Variants in SLIT2 observed in about 807,000 individuals in gnomAD.
SLIT2 encodes the protein slit guidance ligand 2, also known as slit homolog 2 protein.
A neutral mutation model predicts 185.7 loss-of-function variants in SLIT2; 41 were observed. The ratio of observed to expected loss-of-function variants is 0.22; its 90% CI spans 0.17 to 0.29. The LOEUF is 0.29. SLIT2 is among the 10% of genes least tolerant of loss of function. The pLI is 1.00. For synonymous variants in SLIT2, 693 were observed against 680.2 expected (o/e 1.02, Z -0.29); for missense variants, 1,571 against 1,909.0 (o/e 0.82, Z 3.30).
chr4:20,382,264 G>T (rs2109344863), intron 4 of SLIT2, among the ~76,000 whole-genome samples: 1 of 152,194 alleles, frequency 6.6e-6, no homozygotes, highest in African/African-American at 2.4e-5. Context: ...CTCCAATATG[G>T]TGAAATGCTT....
At chr4:20,495,263 G>A (rs1338161593) in intron 9 of SLIT2, among the ~76,000 whole-genome samples, 2 of 152,182 alleles carry the variant, frequency 1.3e-5, no homozygotes, top group South Asian at 2.1e-4. Context: ...ACAAATTTGG[G>A]TTAATTCTAA....
chr4:20,305,433 T>C (rs1018634383), intron 4 of SLIT2, among the ~76,000 whole-genome samples: 4 of 152,204 alleles, frequency 2.6e-5, no homozygotes, highest in Admixed American at 6.5e-5. Context: ...AAATTTAAGC[T>C]AATTTATATA....
chr4:20,396,945 A>G (rs1313062264), intron 4 of SLIT2, among the ~76,000 whole-genome samples: 1 of 150,714 alleles, frequency 6.6e-6, no homozygotes, highest in African/African-American at 2.4e-5. Context: ...TGGTAAATAT[A>G]TGATTATCAT....
intron 5 of SLIT2, among the ~76,000 whole-genome samples, chr4:20,472,602 A>AGATATATCTATATCTATC (rs1715627455): frequency 6.8e-5 from 1 of 14,764 alleles, no homozygotes; most frequent in Non-Finnish European, 1.1e-4. Context: ...ATATATCTAT[A>AGATATATCTATATCTATC]GATATATCTA....
At chr4:20,311,837 A>T (rs1001801776) in intron 4 of SLIT2, among the ~76,000 whole-genome samples, 2 of 152,204 alleles carry the variant, frequency 1.3e-5, no homozygotes, top group African/African-American at 4.8e-5. Context: ...TAGTATTCAG[A>T]TGAAAATATA....
chr4:20,280,515 C>T (rs947975452), intron 4 of SLIT2, among the ~76,000 whole-genome samples: 1 of 151,990 alleles, frequency 6.6e-6, no homozygotes, highest in African/African-American at 2.4e-5. Context: ...GGACCTTGCC[C>T]AATGTGTTCA....
chr4:20,277,144 T>C (rs951480835), intron 4 of SLIT2, among the ~76,000 whole-genome samples: 3 of 152,176 alleles, frequency 2.0e-5, no homozygotes. Context: ...GGCTGTGCTG[T>C]CAGGAGATGA....
At chr4:20,284,412 G>A (rs1445114877) in intron 4 of SLIT2, among the ~76,000 whole-genome samples, 1 of 152,146 alleles carries the variant, frequency 6.6e-6, no homozygotes, top group African/African-American at 2.4e-5. Flanking sequence ...ACATACATAT[G>A]CCTCTCCCTT....
At chr4:20,524,517 T>C (rs1175828076) in intron 14 of SLIT2, among the ~76,000 whole-genome samples, 1 of 152,186 alleles carries the variant, frequency 6.6e-6, no homozygotes. Flanking sequence ...GTTTGTTGAA[T>C]TGACCAGCCT....
At chr4:20,591,228 C>T (rs1727492055) in intron 30 of SLIT2, among the ~76,000 whole-genome samples, 1 of 152,084 alleles carries the variant, frequency 6.6e-6, no homozygotes, top group East Asian at 1.9e-4. Context: ...TTAACAATTA[C>T]ACAGGTCGGG....
chr4:20,498,474 A>T (rs774377536), intron 9 of SLIT2, among the ~76,000 whole-genome samples: 1 of 152,216 alleles, frequency 6.6e-6, no homozygotes, highest in Admixed American at 6.5e-5. Context: ...AATTACTTAG[A>T]TCACCTTTTG....
intron 4 of SLIT2, among the ~76,000 whole-genome samples, chr4:20,432,972 A>G (rs1729100409): frequency 6.6e-6 from 1 of 152,132 alleles, no homozygotes; most frequent in Admixed American, 6.6e-5. Context: ...TCATAGCCAC[A>G]TTACATTCTC....
chr4:20,389,675 A>G (rs868289189), intron 4 of SLIT2, among the ~76,000 whole-genome samples: 2 of 152,112 alleles, frequency 1.3e-5, no homozygotes, highest in South Asian at 2.1e-4. Context: ...AGGTGAGCAT[A>G]AGACTTATCT....
intron 4 of SLIT2, among the ~76,000 whole-genome samples, chr4:20,416,675 T>C (rs1241725109): frequency 1.3e-5 from 2 of 152,186 alleles, no homozygotes; most frequent in Non-Finnish European, 2.9e-5. Flanking sequence ...CTGGTGTGCT[T>C]TTTAAAAGAC....
chr4:20,442,851 A>G (rs2148703186), intron 4 of SLIT2, among the ~76,000 whole-genome samples: 1 of 152,268 alleles, frequency 6.6e-6, no homozygotes, highest in Middle Eastern at 3.4e-3. Context: ...ATATGTTTCT[A>G]CGGAGTGTTT....
intron 15 of SLIT2, 23 bp downstream of exon 15, chr4:20,525,195 A>T (rs762341007): frequency 6.4e-7 from 1 of 1,571,702 alleles, no homozygotes; most frequent in Non-Finnish European, 8.8e-7. Context: ...CGGTAGTAGG[A>T]CTAACTACAG....
chr4:20,274,613 C>A (rs77680800), intron 4 of SLIT2, among the ~76,000 whole-genome samples: 4,169 of 152,178 alleles, frequency 0.027, 156 homozygotes, highest in East Asian at 0.1. Context: ...AGACTTGTTG[C>A]TAAAGAAAGC....
rs71653875 is a variant in SLIT2 at position 20,331,011 on chromosome 4, G to C, written c.395+62130G>C. Among the ~76,000 whole-genome samples, 1,014 of 152,130 alleles carry C rather than the reference G, an allele frequency of 6.7e-3. 9 individuals are homozygous for C. The highest frequency in any genetic ancestry group is 0.011 in the Non-Finnish European group (755 of 67,954). ...AAATAAACCAACAGACAAATATTCC[G>C]TAGACAACTAAATTTCCGTATCTAA... On this transcript the variant is annotated intron_variant, in intron 4 of 36. Coordinates refer to ENST00000504154, the MANE Select transcript of SLIT2 (RefSeq NM_004787.4).
chr4:20,356,551 C>T (rs1028178258), intron 4 of SLIT2, among the ~76,000 whole-genome samples: 5 of 152,074 alleles, frequency 3.3e-5, no homozygotes, highest in African/African-American at 9.7e-5. Context: ...AAATAGTGTC[C>T]AATGCATTTA....
Sources: gnomAD v4.1 joint callset for allele counts (sites outside exome capture counted in the v4.1 genomes callset) on GRCh38, gnomAD v4.1.1 for gene constraint, MANE v1.5 for transcripts, NCBI Gene and HGNC (gene_info 2026-07-23, HGNC 2026-07-21) for gene names.